Variants in ANK2 observed in about 807,000 individuals in gnomAD.
ANK2 encodes the protein ankyrin-2.
A neutral mutation model predicts 360.5 loss-of-function variants in ANK2; 83 were observed. That is an observed-to-expected ratio of 0.23 (90% CI 0.19 to 0.28). The LOEUF is 0.28. ANK2 is among the 10% of genes least tolerant of loss of function. ANK2 has a pLI of 1.00. For missense variants in ANK2, 4,201 were observed against 4,795.7 expected (o/e 0.88, Z 3.66); for synonymous variants, 1,740 against 1,759.5 (o/e 0.99, Z 0.28).
At chr4:112,830,629 A>C (rs1188283952) in intron 1 of ANK2, among the ~76,000 whole-genome samples, 1 of 151,214 alleles carries the variant, frequency 6.6e-6, no homozygotes, top group African/African-American at 2.4e-5. Context: ...TTTTTTTTTG[A>C]GACTGAGAGG....
chr4:113,246,597 G>A, intron 9 of ANK2, among the ~76,000 whole-genome samples: 1 of 151,772 alleles, frequency 6.6e-6, no homozygotes. Flanking sequence ...CCGCATATTA[G>A]GATTATGTTT....
the ANK2 span, among the ~76,000 whole-genome samples, chr4:112,711,676 C>T: frequency 7.9e-5 from 12 of 151,328 alleles, no homozygotes; most frequent in South Asian, 6.3e-4. Context: ...AAAAATTAGC[C>T]GGGTGTAGTG....
At chr4:113,189,959 G>A (rs1489697964) in intron 2 of ANK2, among the ~76,000 whole-genome samples, 2 of 151,638 alleles carry the variant, frequency 1.3e-5, no homozygotes, top group African/African-American at 4.8e-5. Context: ...TAGTCTTTTG[G>A]ATTGTATCTT....
At chr4:113,261,824 A>G (rs1398589091) in intron 13 of ANK2, among the ~76,000 whole-genome samples, 1 of 152,226 alleles carries the variant, frequency 6.6e-6, no homozygotes, top group Non-Finnish European at 1.5e-5. Flanking sequence ...TAAAGGTTTT[A>G]GAAATATTGG....
chr4:113,262,579 G>A (rs1324912953), intron 13 of ANK2, among the ~76,000 whole-genome samples: 1 of 151,856 alleles, frequency 6.6e-6, no homozygotes, highest in Non-Finnish European at 1.5e-5. Flanking sequence ...AGTAGCTTCT[G>A]TATCAGTGGG....
chr4:113,068,575 T>G (rs1221198619), intron 1 of ANK2, among the ~76,000 whole-genome samples: 1 of 152,158 alleles, frequency 6.6e-6, no homozygotes, highest in African/African-American at 2.4e-5. Context: ...ATTACAGATG[T>G]AAAGTTGATA....
the ANK2 span, among the ~76,000 whole-genome samples, chr4:112,773,765 C>G: frequency 6.6e-6 from 1 of 151,982 alleles, no homozygotes; most frequent in Non-Finnish European, 1.5e-5. Flanking sequence ...AAATCTTTAT[C>G]CACCTAAGTA....
In ANK2 at chr4:113,278,451, C is replaced by T. The variant is rs2153700617; in HGVS notation, c.1783-9C>T. On this transcript the variant is annotated splice_polypyrimidine_tract_variant and intron_variant, in intron 16 of 45. Transcript: ENST00000357077. ...TATTAATGCTGAAACTTAAACACAC[C>T]CTTTACAGAACGGCCTTACCCCGCT... 1 of 1,613,310 alleles carries T rather than the reference C, an allele frequency of 6.2e-7. No homozygotes were observed. The highest frequency in any genetic ancestry group is 1.3e-5 in the African/African-American group (1 of 74,960).
At chr4:113,009,776 G>T (rs2054106270) in intron 2 of ANK2, among the ~76,000 whole-genome samples, 1 of 152,018 alleles carries the variant, frequency 6.6e-6, no homozygotes, top group Admixed American at 6.6e-5. Flanking sequence ...TCAGTGCTGT[G>T]GTAAATCAAG....
chr4:113,018,660 T>A (rs556857839), intron 2 of ANK2, among the ~76,000 whole-genome samples: 7 of 152,302 alleles, frequency 4.6e-5, no homozygotes, highest in African/African-American at 1.4e-4. Flanking sequence ...CCTCCTATCA[T>A]CCTGCAGAGG....
Position 113,382,087 on chromosome 4 carries a change from C to T in ANK2, c.*616C>T. ...AAAACCACTGCCTATTGTAACTACA[C>T]TGGGCATCAGAATAAAAGGCCTCTA... On this transcript the variant is annotated 3_prime_UTR_variant, in exon 46 of 46. Coordinates refer to ENST00000357077, the MANE Select transcript of ANK2 (RefSeq NM_001148.6). 1 of 179,184 alleles carries T rather than the reference C, an allele frequency of 5.6e-6. No homozygotes were observed. Among genetic ancestry groups the T allele is most frequent in the Non-Finnish European group, 1.2e-5 (1 of 81,846 alleles). 11.1% of individuals were successfully genotyped at this position (179,184 alleles called of 1,614,324 possible).
intron 2 of ANK2, among the ~76,000 whole-genome samples, chr4:113,023,763 C>T (rs950358669): frequency 2.0e-5 from 3 of 152,184 alleles, no homozygotes; most frequent in African/African-American, 4.8e-5. Context: ...ATCTACAGCA[C>T]CTACATCAGT....
intron 4 of ANK2, among the ~76,000 whole-genome samples, chr4:113,224,087 T>C (rs972904620): frequency 3.3e-5 from 5 of 152,264 alleles, no homozygotes; most frequent in African/African-American, 9.6e-5. Flanking sequence ...AGAAGGGCAG[T>C]GACTTTTAAA....
chr4:113,046,769 A>G (rs997083511), upstream of ANK2, among the ~76,000 whole-genome samples: 2 of 152,190 alleles, frequency 1.3e-5, no homozygotes, highest in Non-Finnish European at 1.5e-5. Context: ...CCAGCAGGGT[A>G]TAGCAGACTG....
In ANK2 at chr4:112,961,106, T is replaced by C. The variant is rs149872012; in HGVS notation, c.21+56592T>C. Among the ~76,000 whole-genome samples the C allele has an allele frequency of 4.6e-5, 7 of 151,774 alleles. No individual in the cohort carries two copies. In the East Asian group the frequency reaches 1.4e-3, roughly 29 times the overall value. On this transcript the variant is annotated intron_variant, in intron 2 of 30. Coordinates refer to the ANK2 transcript ENST00000503271. ...GGTGGGCTTAATAGAGACAAATAGG[T>C]TACAGACAAAATTCCATTATAAAAA...
chr4:113,156,634 A>G (rs2097309108), intron 1 of ANK2, among the ~76,000 whole-genome samples: 1 of 152,198 alleles, frequency 6.6e-6, no homozygotes, highest in East Asian at 1.9e-4. Flanking sequence ...AAGTGCTGGG[A>G]TTACAGGCAT....
intron 1 of ANK2, among the ~76,000 whole-genome samples, chr4:113,100,605 A>AT (rs1226397826): frequency 2.6e-5 from 4 of 152,116 alleles, no homozygotes; most frequent in Non-Finnish European, 5.9e-5. Flanking sequence ...TTACTGTACA[A>AT]TCTAGTGATC....
chr4:113,026,889 G>C (rs2059394366), intron 2 of ANK2, among the ~76,000 whole-genome samples: 1 of 152,112 alleles, frequency 6.6e-6, no homozygotes, highest in Non-Finnish European at 1.5e-5. Flanking sequence ...GGAAAGGGTG[G>C]CTTTTTTCAG....
chr4:113,259,779 C>G (rs527258343), intron 13 of ANK2, among the ~76,000 whole-genome samples: 4 of 150,776 alleles, frequency 2.7e-5, no homozygotes, highest in South Asian at 2.1e-4. Flanking sequence ...TCATCCCCCC[C>G]CTTTTTTTTT....
Sources: allele counts gnomAD v4.1 joint callset (sites outside exome capture counted in the v4.1 genomes callset), GRCh38; gene constraint gnomAD v4.1.1; transcripts MANE v1.5; gene names NCBI Gene and HGNC (gene_info 2026-07-23, HGNC 2026-07-21).